Variants in CFAP20DC observed in about 807,000 individuals in gnomAD.
CFAP20DC encodes protein CFAP20DC.
Under a neutral mutation model 101.7 loss-of-function variants are expected in CFAP20DC, and 84 were observed. The observed-to-expected ratio is 0.83, with a 90% confidence interval of 0.69 to 0.99. The LOEUF is 0.99. Ranked by LOEUF, CFAP20DC falls within the 50% of genes least tolerant of loss-of-function variation. The pLI, the probability that CFAP20DC is intolerant of heterozygous loss-of-function variation, is 0.00. For synonymous variants in CFAP20DC, 359 were observed against 351.2 expected (o/e 1.02, Z -0.25); for missense variants, 1,007 against 970.3 (o/e 1.04, Z -0.50).
At chr3:59,041,533 T>C (rs1436925036) in intron 3 of CFAP20DC, among the ~76,000 whole-genome samples, 1 of 152,142 alleles carries the variant, frequency 6.6e-6, no homozygotes, top group Non-Finnish European at 1.5e-5. Flanking sequence ...ATATTTAAAC[T>C]GACTATTCAT....
At chr3:58,967,308 C>T (rs1341016211) in intron 4 of CFAP20DC, among the ~76,000 whole-genome samples, 2 of 152,008 alleles carry the variant, frequency 1.3e-5, no homozygotes, top group Non-Finnish European at 2.9e-5. Context: ...AACTGAATAT[C>T]CACATGCAAA....
At chr3:58,984,145 G>A (rs1294102200) in intron 4 of CFAP20DC, among the ~76,000 whole-genome samples, 1 of 152,166 alleles carries the variant, frequency 6.6e-6, no homozygotes, top group African/African-American at 2.4e-5. Context: ...ACAAGTTGGT[G>A]ATAGCATTCC....
intron 4 of CFAP20DC, among the ~76,000 whole-genome samples, chr3:58,947,333 T>C (rs919629415): frequency 3.3e-5 from 5 of 152,212 alleles, no homozygotes; most frequent in Non-Finnish European, 7.3e-5. Flanking sequence ...GGAAAGCCTT[T>C]TGCAGGATAT....
At chr3:59,039,497 C>T in intron 4 of CFAP20DC, 60 bp downstream of exon 4, 1 of 1,020,948 alleles carries the variant, frequency 9.8e-7, no homozygotes, top group Non-Finnish European at 1.4e-6. Flanking sequence ...GTTGGTACTG[C>T]TTCAATTGAT....
chr3:58,851,316 A>G (rs1476110041), intron 12 of CFAP20DC, among the ~76,000 whole-genome samples: 1 of 152,092 alleles, frequency 6.6e-6, no homozygotes, highest in Non-Finnish European at 1.5e-5. Context: ...AGACTATTGT[A>G]TTGTTATTAG....
Position 58,799,933 on chromosome 3 carries a change from GCAGCTGGGAAGCA to G in CFAP20DC, c.2237+6449_2237+6461del, listed in dbSNP as rs1360448022. ...GTGGAGACTCTACTGACAGGGAGAG[GCAGCTGGGAAGCA>G]ACCTTGGTTAAGAGAACTCCATCCA... On this transcript the variant is annotated intron_variant, in intron 15 of 16. Coordinates refer to ENST00000482387, the MANE Select transcript of CFAP20DC (RefSeq NM_001394063.1). This position sits in a 1 kb window ranked among gnomAD's most constrained non-coding sequence, Gnocchi z 4.9. 6.6e-6 allele frequency among the ~76,000 whole-genome samples: 1 copy of G among 152,198 alleles called. No homozygotes were observed. The highest frequency in any genetic ancestry group is 6.5e-5 in the Admixed American group (1 of 15,282).
rs910538288 is a variant in CFAP20DC at position 58,776,314 on chromosome 3, T to C, written c.2238-22451A>G. 2.0e-5 allele frequency among the ~76,000 whole-genome samples: 3 copies of C among 152,296 alleles called. No individual in the cohort carries two copies. In the East Asian group the frequency reaches 5.8e-4, roughly 29 times the overall value. ...AAGACACAGATGCAGGAAAACTCTC[T>C]GTCCTCTATTTGCCTAAAAGTAGGA... On this transcript the variant is annotated intron_variant, in intron 15 of 16. Transcript: ENST00000482387.
chr3:58,921,443 A>G (rs1478230930), intron 5 of CFAP20DC, among the ~76,000 whole-genome samples: 1 of 152,060 alleles, frequency 6.6e-6, no homozygotes, highest in East Asian at 1.9e-4. Flanking sequence ...TTTATTTTCA[A>G]TATCATTTAA....
chr3:58,928,301 C>G (rs1299814695), intron 5 of CFAP20DC, among the ~76,000 whole-genome samples: 1 of 152,058 alleles, frequency 6.6e-6, no homozygotes, highest in Non-Finnish European at 1.5e-5. Flanking sequence ...TGAGCTATGC[C>G]CAAAATATCT....
intron 15 of CFAP20DC, among the ~76,000 whole-genome samples, chr3:58,759,827 C>A (rs1409210034): frequency 6.6e-6 from 1 of 152,188 alleles, no homozygotes; most frequent in African/African-American, 2.4e-5. Flanking sequence ...CCAGGTTTAT[C>A]AAAGATCAGA....
intron 4 of CFAP20DC, among the ~76,000 whole-genome samples, chr3:58,940,752 G>A (rs1186626895): frequency 6.6e-6 from 1 of 152,068 alleles, no homozygotes; most frequent in Non-Finnish European, 1.5e-5. Context: ...TTCAAGATTT[G>A]TTTGGGTTTT....
rs370424677 is a variant in CFAP20DC, at chr3:58,870,324, G to A, written c.716-15C>T. ...AATGAACTGATCTGTTTTGTTAAAGGAAGGTAATAATAGTCCATTAATGGG... is the reference window on the plus strand; with the variant it reads ...AATGAACTGATCTGTTTTGTTAAAGAAAGGTAATAATAGTCCATTAATGGG... On this transcript the variant is annotated splice_polypyrimidine_tract_variant and intron_variant, in intron 7 of 16. Coordinates refer to ENST00000482387, the MANE Select transcript of CFAP20DC (RefSeq NM_001394063.1). 5.0e-4 allele frequency: 807 copies of A among 1,612,082 alleles called. No individual in the cohort carries two copies. The highest frequency in any genetic ancestry group is 8.9e-4 in the South Asian group (81 of 90,906).
chr3:58,856,678 AT>A (rs1009401382), intron 12 of CFAP20DC, among the ~76,000 whole-genome samples: 7 of 151,752 alleles, frequency 4.6e-5, no homozygotes, highest in South Asian at 4.2e-4. Context: ...GACTCTTGCA[AT>A]TTTTTTTTCA....
At position 58,721,857 on chromosome 3, in the gene CFAP20DC, G is replaced by A. The variant is rs1421149906; in HGVS notation, c.198-4229C>T. Among the ~76,000 whole-genome samples the A allele has an allele frequency of 1.3e-5, 2 of 152,172 alleles. No homozygotes were observed. The highest frequency in any genetic ancestry group is 2.9e-5 in the Non-Finnish European group (2 of 68,026). The stretch of plus-strand genomic sequence containing the variant: ...ACCAGGCTCTGGTCATGTTGGGGTT[G>A]ATTTTATTTTCCTAAGATTGTGGCA... On this transcript the variant is annotated intron_variant, in intron 3 of 3. Coordinates refer to the CFAP20DC transcript ENST00000486145. The surrounding 1 kb of genome is among the most constrained non-coding windows in gnomAD (Gnocchi z 5.2).
intron 4 of CFAP20DC, among the ~76,000 whole-genome samples, chr3:58,997,876 G>C (rs1282720294): frequency 6.6e-6 from 1 of 152,098 alleles, no homozygotes. Flanking sequence ...TTCTGCCTTG[G>C]GGAGTGGGTA....
intron 7 of CFAP20DC, among the ~76,000 whole-genome samples, chr3:58,870,652 G>A (rs2080098188): frequency 6.6e-6 from 1 of 150,606 alleles, no homozygotes; most frequent in Non-Finnish European, 1.5e-5. Context: ...ACTTTGGGAG[G>A]CCGAGGCGGG....
chr3:58,809,385 A>T (rs2074406548), intron 14 of CFAP20DC, among the ~76,000 whole-genome samples: 2 of 152,226 alleles, frequency 1.3e-5, no homozygotes, highest in Admixed American at 6.6e-5. Context: ...ACTAGAACTC[A>T]GGATTAAGAA....
intron 12 of CFAP20DC, chr3:58,862,076 G>T (rs2079294414): frequency 1.0e-6 from 1 of 967,352 alleles, no homozygotes. Flanking sequence ...GATGGAAGAG[G>T]TAAGTTCTTC....
chr3:58,866,312 C>T (rs1272091583), intron 11 of CFAP20DC, among the ~76,000 whole-genome samples: 1 of 152,034 alleles, frequency 6.6e-6, no homozygotes, highest in East Asian at 1.9e-4. Flanking sequence ...GGTGACCATG[C>T]CATGGGAAAA....
Sources: allele counts gnomAD v4.1 joint callset (sites outside exome capture counted in the v4.1 genomes callset), GRCh38; gene constraint gnomAD v4.1.1; non-coding constraint Gnocchi (gnomAD v3.1); transcripts MANE v1.5; gene names NCBI Gene and HGNC (gene_info 2026-07-23, HGNC 2026-07-21).